The following MPPED2 variants were observed in gnomAD, a reference collection of about 807,000 sequenced individuals.
The protein encoded by MPPED2 is metallophosphoesterase domain containing 2, also known as metallophosphoesterase MPPED2.
Under a neutral mutation model 33.0 loss-of-function variants are expected in MPPED2, and 5 were observed. The ratio of observed to expected loss-of-function variants is 0.15; its 90% CI spans 0.08 to 0.32. The LOEUF (loss-of-function observed/expected upper bound fraction) is 0.32, where lower values mean the gene tolerates loss of function less well. Among genes scored for constraint, MPPED2 ranks in the 10% least tolerant of loss-of-function variants. MPPED2 has a pLI of 1.00. For missense variants in MPPED2, 275 were observed against 372.1 expected, an observed-to-expected ratio of 0.74 and a Z score of 2.15; for synonymous variants, 136 against 141.9, an observed-to-expected ratio of 0.96 and a Z score of 0.29.
At chr11:30,554,294 C>G (rs1380949694) in intron 2 of MPPED2, among the ~76,000 whole-genome samples, 1 of 152,114 alleles carries the variant, frequency 6.6e-6, no homozygotes, top group African/African-American at 2.4e-5. Flanking sequence ...GCTTGTCTGC[C>G]ACTGCTTGTG....
In MPPED2 at chr11:30,580,430, A is replaced by C; in HGVS notation, c.-57T>G. The stretch of plus-strand genomic sequence containing the variant: ...ACTTTACAGAGCAAAAGATGGAAGC[A>C]GGCATGGTGCGTTTCAGCCAACCTC... On this transcript the variant is annotated 5_prime_UTR_variant, in exon 2 of 7. Transcript: ENST00000358117. 1 of 1,600,172 alleles carries C rather than the reference A, an allele frequency of 6.2e-7. No individual in the cohort carries two copies. The highest frequency in any genetic ancestry group is 1.7e-5 in the Admixed American group (1 of 59,142).
intron 4 of MPPED2, among the ~76,000 whole-genome samples, chr11:30,446,969 CG>C (rs1565076014): frequency 6.6e-6 from 1 of 152,208 alleles, no homozygotes; most frequent in South Asian, 2.1e-4. Flanking sequence ...ACAAAGTTAA[CG>C]TATTGGGTGT....
At chr11:30,455,259 C>T (rs1480264455) in intron 4 of MPPED2, among the ~76,000 whole-genome samples, 1 of 152,170 alleles carries the variant, frequency 6.6e-6, no homozygotes, top group African/African-American at 2.4e-5. Flanking sequence ...TGGGAACCAG[C>T]CTACTGTTTT....
intron 3 of MPPED2, among the ~76,000 whole-genome samples, chr11:30,517,916 C>G (rs1229275916): frequency 6.6e-6 from 1 of 152,126 alleles, no homozygotes; most frequent in Non-Finnish European, 1.5e-5. Context: ...ACTATGAATT[C>G]TTACTCTGCG....
At chr11:30,565,260 C>T (rs966087990) in intron 2 of MPPED2, among the ~76,000 whole-genome samples, 5 of 152,146 alleles carry the variant, frequency 3.3e-5, no homozygotes, top group African/African-American at 7.2e-5. Context: ...TTGGCCCTAA[C>T]AGCATCCTGA....
At chr11:30,514,568 G>A (rs1953416964) in intron 3 of MPPED2, among the ~76,000 whole-genome samples, 1 of 152,042 alleles carries the variant, frequency 6.6e-6, no homozygotes, top group African/African-American at 2.4e-5. Context: ...GTTTCTTACA[G>A]TCAAAAGCCT....
chr11:30,537,534 A>C (rs1211418666), intron 2 of MPPED2, among the ~76,000 whole-genome samples: 1 of 152,180 alleles, frequency 6.6e-6, no homozygotes, highest in Non-Finnish European at 1.5e-5. Context: ...TTTAACAATG[A>C]CAATTTCAGT....
At chr11:30,387,108 C>T (rs1279909234) in exon 7 of MPPED2, 1 of 221,152 alleles carries the variant, frequency 4.5e-6, no homozygotes, top group African/African-American at 2.3e-5. Flanking sequence ...TATCTCAATA[C>T]TACAATTAAT....
intron 4 of MPPED2, among the ~76,000 whole-genome samples, chr11:30,461,134 T>C (rs1392856968): frequency 6.6e-6 from 1 of 152,226 alleles, no homozygotes; most frequent in Non-Finnish European, 1.5e-5. Context: ...GATTGAATGA[T>C]TTCCATTTAT....
chr11:30,534,356 TAAAG>T (rs1954695152), intron 3 of MPPED2, among the ~76,000 whole-genome samples: 1 of 152,154 alleles, frequency 6.6e-6, no homozygotes, highest in African/African-American at 2.4e-5. Flanking sequence ...GTTGCTAAAA[TAAAG>T]AGATTATTGT....
rs530411078 is a variant in MPPED2, at chr11:30,547,486, G to C, written c.129-11311C>G. 3.3e-5 allele frequency among the ~76,000 whole-genome samples: 5 copies of C among 152,246 alleles called. No individual in the cohort carries two copies. In the East Asian group the frequency reaches 9.7e-4, roughly 29 times the overall value. On this transcript the variant is annotated intron_variant, in intron 2 of 6. Transcript: ENST00000358117. ...TATGGCTATGTGTGTGTGATATTCT[G>C]AATTCTCCAAACTTCACTTAAGGTC...
chr11:30,531,592 C>G (rs969205723), intron 3 of MPPED2, among the ~76,000 whole-genome samples: 2 of 152,238 alleles, frequency 1.3e-5, no homozygotes, highest in African/African-American at 2.4e-5. Flanking sequence ...AGTAGCTACT[C>G]ATTTCCAGGA....
chr11:30,539,576 C>T (rs523639), intron 2 of MPPED2, among the ~76,000 whole-genome samples: 89,384 of 151,882 alleles, frequency 0.59, 26,666 homozygotes, highest in African/African-American at 0.68. Flanking sequence ...TCCCTCTAGA[C>T]GACATAATGT....
intron 4 of MPPED2, among the ~76,000 whole-genome samples, chr11:30,467,556 G>A (rs902339698): frequency 3.3e-5 from 5 of 152,268 alleles, no homozygotes; most frequent in African/African-American, 1.2e-4. Flanking sequence ...ACAGTCCAGA[G>A]GGCTCCCACC....
chr11:30,453,930 T>C (rs529444), intron 4 of MPPED2, among the ~76,000 whole-genome samples: 17,710 of 152,100 alleles, frequency 0.12, 1,373 homozygotes, highest in South Asian at 0.24. Flanking sequence ...CAAGGAGGCT[T>C]TGAGGGCTCC....
chr11:30,557,819 C>T (rs1431048817), intron 2 of MPPED2, among the ~76,000 whole-genome samples: 1 of 152,098 alleles, frequency 6.6e-6, no homozygotes, highest in Admixed American at 6.5e-5. Flanking sequence ...TGGCAATGAC[C>T]ATGAGGGATC....
chr11:30,451,936 A>G, intron 4 of MPPED2: 1 of 985,392 alleles, frequency 1.0e-6, no homozygotes, highest in Non-Finnish European at 1.2e-6. Flanking sequence ...TTAAATTGAG[A>G]ATGGAATCAC....
intron 2 of MPPED2, among the ~76,000 whole-genome samples, chr11:30,577,764 C>T (rs1334815427): frequency 1.3e-5 from 2 of 152,116 alleles, no homozygotes; most frequent in African/African-American, 2.4e-5. Context: ...AAAGGTAAGC[C>T]AGCCTCCTGA....
intron 3 of MPPED2, among the ~76,000 whole-genome samples, chr11:30,515,460 G>C (rs539757603): frequency 1.3e-5 from 2 of 152,224 alleles, no homozygotes; most frequent in African/African-American, 4.8e-5. Flanking sequence ...AGATTCTGAT[G>C]GGCAGTCAGG....
Sources: gnomAD v4.1 joint callset for allele counts (sites outside exome capture counted in the v4.1 genomes callset) on GRCh38, gnomAD v4.1.1 for gene constraint, MANE v1.5 for transcripts, NCBI Gene and HGNC (gene_info 2026-07-23, HGNC 2026-07-21) for gene names.